The following SHANK2 variants were observed in gnomAD, a reference collection of about 807,000 sequenced individuals.
SHANK2 encodes the protein SH3 and multiple ankyrin repeat domains protein 2.
SHANK2 carries 43 observed loss-of-function variants against 133.7 expected under a neutral mutation model. The ratio of observed to expected loss-of-function variants is 0.32; its 90% confidence interval spans 0.25 to 0.41. The LOEUF (loss-of-function observed/expected upper bound fraction) is 0.41, where lower values mean the gene tolerates loss of function less well. Ranked by LOEUF, SHANK2 falls within the 10% of genes least tolerant of loss-of-function variation. The pLI is 1.00. For synonymous variants in SHANK2, 1,017 were observed against 952.8 expected, an observed-to-expected ratio of 1.07 and a Z score of -1.24; for missense variants, 1,994 against 2,235.8, an observed-to-expected ratio of 0.89 and a Z score of 2.18.
At chr11:71,219,205 A>G (rs1349410282) in intron 2 of SHANK2, among the ~76,000 whole-genome samples, 1 of 152,244 alleles carries the variant, frequency 6.6e-6, no homozygotes, top group Non-Finnish European at 1.5e-5. Context: ...AATTTTCTGT[A>G]AAAGTCCAGC....
rs782171832 is a variant in SHANK2, at chr11:70,888,826, GA to G, written c.1174+7674del. Among the ~76,000 whole-genome samples the G allele has an allele frequency of 5.9e-4, 81 of 136,464 alleles. 1 individual carries two copies. The highest frequency in any genetic ancestry group is 5.8e-3 in the East Asian group (29 of 4,960). The allele number at this position is 136,464 out of a possible 152,430, so 89.5% of individuals were successfully genotyped here. ...AGGGAGACGCCATCTCAAAAAAAAAGAAAAAAAAAAGAGAGAAAGAGGATGA... is the reference window on the plus strand; with the variant it reads ...AGGGAGACGCCATCTCAAAAAAAAAGAAAAAAAAAGAGAGAAAGAGGATGA... On this transcript the variant is annotated intron_variant, in intron 11 of 25. Transcript: ENST00000601538.
chr11:70,802,785 C>G (rs1555050820), intron 13 of SHANK2, among the ~76,000 whole-genome samples: 1 of 152,130 alleles, frequency 6.6e-6, no homozygotes, highest in African/African-American at 2.4e-5. Flanking sequence ...TGTGCCCCCA[C>G]CCCCCAGCAT....
At chr11:71,214,625 A>C (rs1238844234) in intron 2 of SHANK2, among the ~76,000 whole-genome samples, 1 of 152,200 alleles carries the variant, frequency 6.6e-6, no homozygotes, top group African/African-American at 2.4e-5. Flanking sequence ...TGTCTCAGCA[A>C]GTCTGGCCAG....
chr11:70,662,870 C>G (rs1451415531), intron 15 of SHANK2, among the ~76,000 whole-genome samples: 2 of 152,152 alleles, frequency 1.3e-5, no homozygotes, highest in Admixed American at 1.3e-4. Context: ...CCTCCACCCC[C>G]ACCTTCTGGG....
At chr11:70,862,462 G>A (rs1333681522) in intron 11 of SHANK2, among the ~76,000 whole-genome samples, 1 of 152,212 alleles carries the variant, frequency 6.6e-6, no homozygotes, top group African/African-American at 2.4e-5. Flanking sequence ...TACGTCAGTT[G>A]GTATTTGGAG....
At chr11:70,592,783 A>T (rs181918976) in intron 17 of SHANK2, among the ~76,000 whole-genome samples, 241 of 151,628 alleles carry the variant, frequency 1.6e-3, no homozygotes, top group Admixed American at 2.6e-3. Context: ...GCGGATTCCC[A>T]TCCATGCTCC....
intron 11 of SHANK2, among the ~76,000 whole-genome samples, chr11:70,825,236 A>G (rs1163723489): frequency 6.6e-6 from 1 of 152,240 alleles, no homozygotes; most frequent in Non-Finnish European, 1.5e-5. Context: ...AGTCTATAAA[A>G]GAACAGAACA....
intron 11 of SHANK2, among the ~76,000 whole-genome samples, chr11:70,892,766 T>C (rs1210926095): frequency 1.3e-5 from 2 of 152,106 alleles, no homozygotes. Context: ...AAATCCCTGA[T>C]GGGGGTCTTG....
At chr11:70,591,346 T>A (rs1267062255) in intron 17 of SHANK2, among the ~76,000 whole-genome samples, 1 of 148,130 alleles carries the variant, frequency 6.8e-6, no homozygotes, top group African/African-American at 2.5e-5. Context: ...AGACAGACTC[T>A]GTCTCAAACA....
In SHANK2 at chr11:70,473,935, A is replaced by C; in HGVS notation, c.4980-496T>G. 4.1e-6 allele frequency: 1 copy of C among 241,654 alleles called. No homozygotes were observed. The highest frequency in any genetic ancestry group is 8.6e-5 in the East Asian group (1 of 11,662). The allele number at this position is 241,654 out of a possible 1,614,324, so 15.0% of individuals were successfully genotyped here. On this transcript the variant is annotated intron_variant, in intron 25 of 25. Coordinates refer to ENST00000601538, the MANE Select transcript of SHANK2 (RefSeq NM_012309.5). The surrounding 1 kb of genome is among the most constrained non-coding windows in gnomAD (Gnocchi z 5.9). The stretch of plus-strand genomic sequence containing the variant: ...GCCTCAGCTTCAGCAGGTGGGAAGG[A>C]GCACACCTGGAGGACAGGCCCCTCA...
chr11:70,903,564 A>G (rs1950056397), intron 10 of SHANK2, among the ~76,000 whole-genome samples: 1 of 152,112 alleles, frequency 6.6e-6, no homozygotes. Context: ...TCGATCCATC[A>G]CACTCATCAT....
chr11:70,537,971 G>A (rs1438624883), intron 17 of SHANK2, among the ~76,000 whole-genome samples: 1 of 152,228 alleles, frequency 6.6e-6, no homozygotes, highest in African/African-American at 2.4e-5. Flanking sequence ...AGAGGGCAGC[G>A]AGAGACCCCA....
At chr11:70,577,563 C>T (rs1190223061) in intron 17 of SHANK2, among the ~76,000 whole-genome samples, 1 of 152,222 alleles carries the variant, frequency 6.6e-6, no homozygotes, top group Non-Finnish European at 1.5e-5. Context: ...ACTGCTGCTA[C>T]TCCTTTTGCA....
intron 9 of SHANK2, among the ~76,000 whole-genome samples, chr11:71,072,897 A>G (rs1950651710): frequency 1.3e-5 from 2 of 152,154 alleles, no homozygotes; most frequent in South Asian, 2.1e-4. Context: ...GGCTGAGGAG[A>G]GGGGAGAGTT....
intron 10 of SHANK2, among the ~76,000 whole-genome samples, chr11:70,909,621 A>G (rs1193837187): frequency 6.6e-6 from 1 of 152,166 alleles, no homozygotes; most frequent in Non-Finnish European, 1.5e-5. Context: ...CATTGCATAA[A>G]GGAAGGCCCT....
intron 1 of SHANK2, among the ~76,000 whole-genome samples, chr11:71,230,397 A>G (rs1954723540): frequency 6.6e-6 from 1 of 152,074 alleles, no homozygotes; most frequent in African/African-American, 2.4e-5. Flanking sequence ...GTGAAACCCC[A>G]TCTCTACTAA....
intron 3 of SHANK2, among the ~76,000 whole-genome samples, chr11:71,140,745 A>T (rs1209255106): frequency 6.6e-6 from 1 of 152,020 alleles, no homozygotes; most frequent in Non-Finnish European, 1.5e-5. Context: ...CGAGGCTCAG[A>T]TCTTCAGACC....
At chr11:70,501,047 C>T (rs1447807737) in intron 20 of SHANK2, among the ~76,000 whole-genome samples, 2 of 146,126 alleles carry the variant, frequency 1.4e-5, no homozygotes, top group African/African-American at 5.6e-5. Flanking sequence ...AGGCTTGTCC[C>T]TCTGGGGAGC....
intron 17 of SHANK2, chr11:70,631,314 A>G (rs1373920248): frequency 1.3e-5 from 2 of 152,518 alleles, no homozygotes; most frequent in African/African-American, 4.8e-5. Context: ...CAAGTGGCAC[A>G]TTTAGCTAGA....
Sources: allele counts gnomAD v4.1 joint callset (sites outside exome capture counted in the v4.1 genomes callset), GRCh38; gene constraint gnomAD v4.1.1; non-coding constraint Gnocchi (gnomAD v3.1); transcripts MANE v1.5; gene names NCBI Gene and HGNC (gene_info 2026-07-23, HGNC 2026-07-21).